Variants in PCSK6 observed in about 807,000 individuals in gnomAD.
The protein encoded by PCSK6 is proprotein convertase subtilisin/kexin type 6.
Under a neutral mutation model 123.3 loss-of-function variants are expected in PCSK6, and 85 were observed. The ratio of observed to expected loss-of-function variants is 0.69; its 90% CI spans 0.58 to 0.83. PCSK6 has a LOEUF of 0.83. PCSK6 is among the 40% of genes least tolerant of loss of function. The pLI is 0.00. For synonymous variants in PCSK6, 508 were observed against 516.0 expected (o/e 0.98, Z 0.21); for missense variants, 1,191 against 1,282.3 (o/e 0.93, Z 1.09).
At chr15:101,471,684 C>T (rs2057607753) in intron 1 of PCSK6, among the ~76,000 whole-genome samples, 1 of 152,190 alleles carries the variant, frequency 6.6e-6, no homozygotes, top group African/African-American at 2.4e-5. Flanking sequence ...GTAAATTACA[C>T]ATTTGTTGAG....
Position 101,360,359 on chromosome 15 carries a change from G to A in PCSK6, c.1858+5837C>T, listed in dbSNP as rs114255955. 7.9e-3 allele frequency among the ~76,000 whole-genome samples: 1,197 copies of A among 152,262 alleles called. 21 individuals are homozygous for A. Among genetic ancestry groups the A allele is most frequent in the African/African-American group, 0.027 (1,137 of 41,518 alleles). ...TTCCAACCAAGTCCCTGTGAGGGCTGACAAAGCCCAGTGCGATCTGGTCCC... is the reference window on the plus strand; with the variant it reads ...TTCCAACCAAGTCCCTGTGAGGGCTAACAAAGCCCAGTGCGATCTGGTCCC... On this transcript the variant is annotated intron_variant, in intron 13 of 21. Coordinates refer to ENST00000611716, the MANE Select transcript of PCSK6 (RefSeq NM_002570.5).
At chr15:101,451,742 C>T (rs7173205) in intron 1 of PCSK6, among the ~76,000 whole-genome samples, 4,582 of 152,182 alleles carry the variant, frequency 0.03, 209 homozygotes, top group African/African-American at 0.1. Flanking sequence ...CATGGTCGTC[C>T]GAGTTCAGTT....
chr15:101,438,352 A>G (rs2056661317), intron 2 of PCSK6, among the ~76,000 whole-genome samples: 1 of 152,240 alleles, frequency 6.6e-6, no homozygotes, highest in Admixed American at 6.5e-5. Flanking sequence ...ATTTACTTCT[A>G]AAGTATTTAC....
rs557360734 is a variant in PCSK6, at chr15:101,317,709, C to T, written c.2569+610G>A. 5.3e-5 allele frequency among the ~76,000 whole-genome samples: 8 copies of T among 152,334 alleles called. No individual in the cohort carries two copies. In the South Asian group the frequency reaches 1.7e-3, roughly 32 times the overall value. On this transcript the variant is annotated intron_variant, in intron 19 of 21. Coordinates refer to ENST00000611716, the MANE Select transcript of PCSK6 (RefSeq NM_002570.5). ...GACAAGATGGCTTATGAGTGGTGAG[C>T]ATCTCTTATCCCTTTCCCCATCTGA...
At chr15:101,328,863 C>A (rs142239496) in intron 15 of PCSK6, among the ~76,000 whole-genome samples, 1 of 152,220 alleles carries the variant, frequency 6.6e-6, no homozygotes, top group Admixed American at 6.5e-5. Flanking sequence ...AGGTTCCTCT[C>A]GCCCATGAAG....
chr15:101,377,488 C>T (rs2041784452), intron 11 of PCSK6, among the ~76,000 whole-genome samples: 1 of 152,166 alleles, frequency 6.6e-6, no homozygotes, highest in Non-Finnish European at 1.5e-5. Flanking sequence ...TCCATTTCTT[C>T]CTCCATAAAA....
intron 2 of PCSK6, among the ~76,000 whole-genome samples, chr15:101,442,895 T>C (rs1289900794): frequency 6.6e-6 from 1 of 152,176 alleles, no homozygotes; most frequent in Non-Finnish European, 1.5e-5. Context: ...CCACGGGCCC[T>C]GCTATGGACA....
intron 1 of PCSK6, among the ~76,000 whole-genome samples, chr15:101,479,629 C>G (rs1191486541): frequency 6.6e-6 from 1 of 152,190 alleles, no homozygotes; most frequent in South Asian, 2.1e-4. Flanking sequence ...TCTGGTTTCC[C>G]ATCTGGAGGA....
intron 1 of PCSK6, among the ~76,000 whole-genome samples, chr15:101,480,297 C>T (rs970101741): frequency 1.3e-5 from 2 of 152,268 alleles, no homozygotes; most frequent in Non-Finnish European, 2.9e-5. Context: ...CTCTTCCCAG[C>T]CCAATTCAGT....
At chr15:101,395,308 A>C (rs1317914794) in intron 7 of PCSK6, among the ~76,000 whole-genome samples, 1 of 152,178 alleles carries the variant, frequency 6.6e-6, no homozygotes, top group Admixed American at 6.5e-5. Flanking sequence ...CTTGTGCCCC[A>C]AAGTCCAGGG....
chr15:101,345,503 T>C (rs1007752281), intron 13 of PCSK6, among the ~76,000 whole-genome samples: 2 of 152,206 alleles, frequency 1.3e-5, no homozygotes, highest in Non-Finnish European at 2.9e-5. Flanking sequence ...TTTAAAATTA[T>C]TTTTAAAAAG....
chr15:101,358,460 T>C (rs532263834), intron 13 of PCSK6, among the ~76,000 whole-genome samples: 1 of 152,324 alleles, frequency 6.6e-6, no homozygotes, highest in African/African-American at 2.4e-5. Context: ...CTTGGGCCCT[T>C]GTGCATGGTA....
rs558810151 is a variant in PCSK6, at chr15:101,304,274, A to G, written c.*984T>C. The G allele has an allele frequency of 1.8e-4, 28 of 152,678 alleles. No individual in the cohort carries two copies. Among genetic ancestry groups the G allele is most frequent in the African/African-American group, 6.7e-4 (28 of 41,580 alleles). The allele number at this position is 152,678 out of a possible 1,614,324, so 9.5% of individuals were successfully genotyped here. On this transcript the variant is annotated 3_prime_UTR_variant, in exon 22 of 22. Coordinates refer to ENST00000611716, the MANE Select transcript of PCSK6 (RefSeq NM_002570.5). ...ACACAGGTTTGGCAGAATAAATCCA[A>G]CTGTGTCATGTAGGCTTGTAATATA...
intron 13 of PCSK6, among the ~76,000 whole-genome samples, chr15:101,363,236 G>A (rs2041287364): frequency 6.6e-6 from 1 of 152,240 alleles, no homozygotes; most frequent in Non-Finnish European, 1.5e-5. Context: ...TCCCCTCAAA[G>A]CTGCCCTGGG....
intron 2 of PCSK6, among the ~76,000 whole-genome samples, chr15:101,433,181 A>G (rs2056499425): frequency 6.6e-6 from 1 of 152,184 alleles, no homozygotes; most frequent in Non-Finnish European, 1.5e-5. Flanking sequence ...GTGGACATCC[A>G]TGGCCTCAGG....
At chr15:101,342,175 G>A (rs6598451) in intron 13 of PCSK6, among the ~76,000 whole-genome samples, 62,434 of 132,744 alleles carry the variant, frequency 0.47, 15,475 homozygotes, top group African/African-American at 0.68. Context: ...AAAGCAAAAA[G>A]TAATATCACT....
Position 101,382,111 on chromosome 15 carries a change from C to A in PCSK6, c.1513G>T (p.Ala505Ser). The A allele has an allele frequency of 6.2e-7, 1 of 1,608,440 alleles. No individual in the cohort carries two copies. The highest frequency in any genetic ancestry group is 8.5e-7 in the Non-Finnish European group (1 of 1,177,364). ...CCTTACCTGGGTCTCTTGTCCGAGG[C>A]GGCCACACACATGTGCTGCGATGGC... Reference protein sequence around the residue: ...AVPSQHMCVAASDKRPRSIPL... With the variant: ...AVPSQHMCVASSDKRPRSIPL... The change falls in exon 11 of 22, where the codon GCC becomes TCC. Residue 505 changes from alanine to serine, a missense_variant. By Grantham distance (99) the Ala-to-Ser change is moderately conservative. Coordinates refer to ENST00000611716, the MANE Select transcript of PCSK6 (RefSeq NM_002570.5).
intron 1 of PCSK6, among the ~76,000 whole-genome samples, chr15:101,485,293 CT>C (rs1252946731): frequency 1.3e-5 from 2 of 152,116 alleles, no homozygotes; most frequent in African/African-American, 2.4e-5. Flanking sequence ...TGGCGTGTAT[CT>C]TTTTTTCTTA....
intron 9 of PCSK6, among the ~76,000 whole-genome samples, chr15:101,386,155 G>A (rs989094282): frequency 4.6e-5 from 7 of 152,176 alleles, no homozygotes; most frequent in African/African-American, 1.7e-4. Context: ...AGGAACGCAC[G>A]CCGCGCCACA....
Sources: allele counts gnomAD v4.1 joint callset (sites outside exome capture counted in the v4.1 genomes callset), GRCh38; gene constraint gnomAD v4.1.1; transcripts MANE v1.5; gene names NCBI Gene and HGNC (gene_info 2026-07-23, HGNC 2026-07-21).